ZCWPW2: variants seen among roughly 807,000 people sequenced by gnomAD.
The protein encoded by ZCWPW2 is zinc finger CW-type and PWWP domain containing 2, also known as zinc finger CW-type PWWP domain protein 2.
Under a neutral mutation model 46.6 loss-of-function variants are expected in ZCWPW2, and 45 were observed. The observed-to-expected ratio is 0.96, with a 90% confidence interval of 0.76 to 1.24. ZCWPW2 has a LOEUF of 1.24. Ranked by LOEUF, ZCWPW2 falls within the 50% of genes most tolerant of loss-of-function variation. ZCWPW2 has a pLI of 0.00. For synonymous variants in ZCWPW2, 152 were observed against 137.1 expected (o/e 1.11, Z -0.76); for missense variants, 429 against 403.9 (o/e 1.06, Z -0.53).
intron 8 of ZCWPW2, among the ~76,000 whole-genome samples, chr3:28,517,715 A>T (rs1195326040): frequency 1.3e-5 from 2 of 152,204 alleles, no homozygotes; most frequent in Admixed American, 1.3e-4. Flanking sequence ...GGTGAAAGAA[A>T]ACTCCATAAA....
intron 4 of ZCWPW2, among the ~76,000 whole-genome samples, chr3:28,476,338 T>C (rs1426163620): frequency 6.6e-6 from 1 of 152,210 alleles, no homozygotes; most frequent in South Asian, 2.1e-4. Context: ...CCTCTTAAAA[T>C]AGATCCTTAG....
chr3:28,402,188 CAAGAA>C (rs1468227278), intron 2 of ZCWPW2, among the ~76,000 whole-genome samples: 1 of 151,630 alleles, frequency 6.6e-6, no homozygotes, highest in East Asian at 1.9e-4. Flanking sequence ...CAAGATTAAC[CAAGAA>C]AAGAAGAGAG....
At chr3:28,442,538 T>C (rs1454926727) in intron 4 of ZCWPW2, among the ~76,000 whole-genome samples, 1 of 152,208 alleles carries the variant, frequency 6.6e-6, no homozygotes, top group Non-Finnish European at 1.5e-5. Flanking sequence ...AGAGTTGATA[T>C]ACCCTTGAGG....
chr3:28,491,100 C>A (rs760289961), intron 5 of ZCWPW2, among the ~76,000 whole-genome samples: 25 of 152,002 alleles, frequency 1.6e-4, no homozygotes, highest in Non-Finnish European at 2.8e-4. Flanking sequence ...AGTTTCATGG[C>A]TTTATATGAC....
intron 4 of ZCWPW2, among the ~76,000 whole-genome samples, chr3:28,474,378 A>G (rs1296107112): frequency 2.0e-5 from 3 of 152,184 alleles, no homozygotes; most frequent in Non-Finnish European, 4.4e-5. Flanking sequence ...ATCTTTCAGT[A>G]TACTTTCAAG....
chr3:28,461,317 A>G (rs1175752979), intron 4 of ZCWPW2, among the ~76,000 whole-genome samples: 1 of 152,126 alleles, frequency 6.6e-6, no homozygotes, highest in Admixed American at 6.5e-5. Flanking sequence ...CTTTAGTTTT[A>G]AAGTTAGGTA....
chr3:28,484,978 A>C (rs1408288858), intron 5 of ZCWPW2, among the ~76,000 whole-genome samples: 1 of 152,114 alleles, frequency 6.6e-6, no homozygotes, highest in Non-Finnish European at 1.5e-5. Context: ...TAGTTTCCAA[A>C]GTAAAAGCTT....
At chr3:28,420,338 G>T (rs984902827) in intron 3 of ZCWPW2, among the ~76,000 whole-genome samples, 10 of 152,088 alleles carry the variant, frequency 6.6e-5, no homozygotes, top group African/African-American at 1.7e-4. Context: ...GGTATGCTGT[G>T]TCTTTGTTCT....
intron 1 of ZCWPW2, among the ~76,000 whole-genome samples, chr3:28,359,628 A>T (rs1704864753): frequency 6.6e-6 from 1 of 151,966 alleles, no homozygotes; most frequent in Admixed American, 6.6e-5. Flanking sequence ...AAGTTTGTAA[A>T]TGATTTTCAT....
chr3:28,468,476 C>G (rs930899613), intron 4 of ZCWPW2, among the ~76,000 whole-genome samples: 2 of 151,992 alleles, frequency 1.3e-5, no homozygotes, highest in Admixed American at 1.3e-4. Flanking sequence ...TATAGGATAT[C>G]AAGCAGAATT....
chr3:28,479,225 T>G (rs1699344419), intron 5 of ZCWPW2, among the ~76,000 whole-genome samples: 2 of 152,232 alleles, frequency 1.3e-5, no homozygotes, highest in African/African-American at 4.8e-5. Flanking sequence ...CTTGTGTATT[T>G]CAAAGGCATA....
chr3:28,447,838 T>A (rs1432021355), intron 4 of ZCWPW2: 1 of 1,048,142 alleles, frequency 9.5e-7, no homozygotes, highest in East Asian at 2.5e-5. Context: ...CAAAGAAGGT[T>A]GGGAAAGCAC....
chr3:28,436,848 G>A (rs187758446), intron 4 of ZCWPW2, among the ~76,000 whole-genome samples: 12 of 152,234 alleles, frequency 7.9e-5, no homozygotes, highest in East Asian at 3.9e-4. Flanking sequence ...CATCTTGGCC[G>A]CTTTATAAAG....
At chr3:28,480,573 T>A (rs1699392007) in intron 5 of ZCWPW2, among the ~76,000 whole-genome samples, 1 of 152,178 alleles carries the variant, frequency 6.6e-6, no homozygotes, top group South Asian at 2.1e-4. Context: ...ATTGCTGTGC[T>A]CTTTGGTTTA....
At chr3:28,374,590 T>G (rs929128537) in intron 1 of ZCWPW2, among the ~76,000 whole-genome samples, 2 of 152,170 alleles carry the variant, frequency 1.3e-5, no homozygotes, top group Non-Finnish European at 2.9e-5. Flanking sequence ...ATGGTATTAA[T>G]TTTTGCAAAC....
chr3:28,409,551 GA>G (rs1266570430), intron 2 of ZCWPW2, among the ~76,000 whole-genome samples: 3 of 152,118 alleles, frequency 2.0e-5, no homozygotes, highest in Admixed American at 2.0e-4. Context: ...GACAAATTTT[GA>G]GGTATAAATG....
chr3:28,478,767 TTA>T, intron 4 of ZCWPW2, 45 bp from the exon 5 acceptor site: 1 of 1,017,636 alleles, frequency 9.8e-7, no homozygotes, highest in Admixed American at 3.3e-5. Context: ...TAAAACAAAG[TTA>T]TATATTTAAA....
At chr3:28,360,229 G>T (rs955416402) in intron 1 of ZCWPW2, among the ~76,000 whole-genome samples, 7 of 151,720 alleles carry the variant, frequency 4.6e-5, no homozygotes, top group Admixed American at 4.6e-4. Context: ...ATTCTGGCCG[G>T]GCGCGGTGGC....
At chr3:28,515,741 G>A (rs56353231) in intron 8 of ZCWPW2, 120 bp downstream of exon 8, 25 of 763,330 alleles carry the variant, frequency 3.3e-5, no homozygotes, top group South Asian at 4.0e-5. Flanking sequence ...GTGTGTGTGT[G>A]TGTGTATACA....
Sources: allele counts gnomAD v4.1 joint callset (sites outside exome capture counted in the v4.1 genomes callset), GRCh38; gene constraint gnomAD v4.1.1; transcripts MANE v1.5; gene names NCBI Gene and HGNC (gene_info 2026-07-23, HGNC 2026-07-21).